BACH2: variants seen among roughly 807,000 people sequenced by gnomAD.
The protein encoded by BACH2 is BACH transcriptional regulator 2.
In BACH2, 5 loss-of-function variants were observed where a neutral mutation model predicts 61.8. The observed-to-expected ratio is 0.08, with a 90% confidence interval of 0.04 to 0.17. BACH2 has a LOEUF of 0.17. Among genes scored for constraint, BACH2 ranks in the 10% least tolerant of loss-of-function variants. BACH2 has a pLI of 1.00. For missense variants in BACH2, 824 were observed against 1,091.1 expected, an observed-to-expected ratio of 0.76 and a Z score of 3.45; for synonymous variants, 446 against 440.1, an observed-to-expected ratio of 1.01 and a Z score of -0.17.
intron 1 of BACH2, among the ~76,000 whole-genome samples, chr6:90,295,043 T>G (rs1317292759): frequency 1.3e-5 from 2 of 152,234 alleles, no homozygotes; most frequent in East Asian, 3.9e-4. Flanking sequence ...AGTGAGAGAC[T>G]GCAGCACTAG....
At chr6:90,019,300 T>C (rs1314382262) in intron 5 of BACH2, among the ~76,000 whole-genome samples, 1 of 152,124 alleles carries the variant, frequency 6.6e-6, no homozygotes, top group African/African-American at 2.4e-5. Flanking sequence ...GAAGCTTGTG[T>C]TGAAAGAAAC....
At chr6:90,130,833 T>C (rs1472978003) in intron 4 of BACH2, among the ~76,000 whole-genome samples, 1 of 152,270 alleles carries the variant, frequency 6.6e-6, no homozygotes, top group Non-Finnish European at 1.5e-5. Context: ...ATCCTGGCCC[T>C]GTTTGTTGCT....
chr6:90,129,609 T>C (rs1334574591), intron 4 of BACH2, among the ~76,000 whole-genome samples: 1 of 152,186 alleles, frequency 6.6e-6, no homozygotes, highest in Non-Finnish European at 1.5e-5. Context: ...ATGGAATGTT[T>C]TTCCATTTGT....
intron 5 of BACH2, among the ~76,000 whole-genome samples, chr6:90,062,229 A>G (rs529191570): frequency 1.3e-5 from 2 of 152,220 alleles, no homozygotes; most frequent in Non-Finnish European, 2.9e-5. Flanking sequence ...CCTATATTAC[A>G]TAAGGACTTG....
At chr6:89,938,082 T>C in intron 8 of BACH2, 62 bp downstream of exon 8, 2 of 1,494,746 alleles carry the variant, frequency 1.3e-6, no homozygotes, top group Non-Finnish European at 9.2e-7. Flanking sequence ...CTTTCATTGC[T>C]GTTACTTTAC....
chr6:89,932,085 C>T lies in BACH2; in HGVS notation c.*323G>A, dbSNP rs1772684847. On this transcript the variant is annotated 3_prime_UTR_variant, in exon 9 of 9. Coordinates refer to ENST00000257749, the MANE Select transcript of BACH2 (RefSeq NM_021813.4). ...CCTGAGATAGGGTTTGTGACATGGG[C>T]CACTGAGAAAAAAAATCCGTGGTTG... 4.5e-6 allele frequency: 1 copy of T among 224,194 alleles called. No individual in the cohort carries two copies. Among genetic ancestry groups the T allele is most frequent in the Middle Eastern group, 1.6e-3 (1 of 628 alleles). 13.9% of individuals were successfully genotyped at this position (224,194 alleles called of 1,614,324 possible).
intron 5 of BACH2, among the ~76,000 whole-genome samples, chr6:90,055,183 G>C (rs1443496586): frequency 1.3e-5 from 2 of 152,186 alleles, no homozygotes; most frequent in Admixed American, 1.3e-4. Flanking sequence ...CTGAGCTACA[G>C]GAGGAGCTTT....
rs1287739227 is a variant in BACH2 at position 89,928,663 on chromosome 6, A to AAAGC, written c.*3741_*3744dup. 4 of 152,720 alleles carry AAAGC rather than the reference A, an allele frequency of 2.6e-5. No homozygotes were observed. The highest frequency in any genetic ancestry group is 3.2e-3 in the Middle Eastern group (1 of 316). The allele number at this position is 152,720 out of a possible 1,614,324, so 9.5% of individuals were successfully genotyped here. The stretch of plus-strand genomic sequence containing the variant: ...CTAGACTTTTGTTCCCTTCCTTGGA[A>AAAGC]AAGCAATGTAAGGATTACATCCCGA... On this transcript the variant is annotated 3_prime_UTR_variant, in exon 9 of 9. Coordinates refer to ENST00000257749, the MANE Select transcript of BACH2 (RefSeq NM_021813.4).
chr6:90,095,191 ATGTTAAT>A (rs1203244478), intron 4 of BACH2, among the ~76,000 whole-genome samples: 41 of 151,550 alleles, frequency 2.7e-4, no homozygotes, highest in African/African-American at 8.5e-4. Flanking sequence ...AGGTCAATTG[ATGTTAAT>A]TGTTAATTTT....
At chr6:90,296,254 G>A (rs1772379464) in intron 1 of BACH2, among the ~76,000 whole-genome samples, 1 of 151,904 alleles carries the variant, frequency 6.6e-6, no homozygotes, top group African/African-American at 2.4e-5. Flanking sequence ...CACACATTCG[G>A]CGCGGCGCGG....
intron 6 of BACH2, among the ~76,000 whole-genome samples, chr6:90,000,398 C>T (rs556023461): frequency 6.6e-6 from 1 of 152,064 alleles, no homozygotes; most frequent in African/African-American, 2.4e-5. Flanking sequence ...TATTTATTTG[C>T]TTTTTTTTCA....
intron 3 of BACH2, among the ~76,000 whole-genome samples, chr6:90,218,971 G>C (rs1769643858): frequency 6.6e-6 from 1 of 151,674 alleles, no homozygotes; most frequent in Admixed American, 6.6e-5. Flanking sequence ...CAGAGAGTGA[G>C]AGTGCACGCA....
chr6:89,957,787 A>G (rs961746326), intron 6 of BACH2, among the ~76,000 whole-genome samples: 1 of 152,170 alleles, frequency 6.6e-6, no homozygotes, highest in Non-Finnish European at 1.5e-5. Context: ...CAATCCGTCT[A>G]TTTTGACCTC....
intron 5 of BACH2, among the ~76,000 whole-genome samples, chr6:90,064,067 T>C (rs1326205911): frequency 1.3e-5 from 2 of 152,230 alleles, no homozygotes; most frequent in Admixed American, 1.3e-4. Flanking sequence ...AAGTCTCCCT[T>C]ATGCAAGGCA....
At chr6:90,275,671 T>C (rs1478157123) in intron 1 of BACH2, among the ~76,000 whole-genome samples, 1 of 152,008 alleles carries the variant, frequency 6.6e-6, no homozygotes, top group East Asian at 1.9e-4. Context: ...CACTCTCCAG[T>C]AGGCCCCAGT....
At chr6:90,259,485 G>A (rs934412787) in intron 2 of BACH2, among the ~76,000 whole-genome samples, 1 of 152,206 alleles carries the variant, frequency 6.6e-6, no homozygotes, top group Admixed American at 6.5e-5. Context: ...ATATTTTACT[G>A]GGGCTTTTTG....
intron 3 of BACH2, among the ~76,000 whole-genome samples, chr6:90,228,510 A>C (rs570843385): frequency 1.3e-5 from 2 of 152,316 alleles, no homozygotes; most frequent in South Asian, 4.1e-4. Context: ...TTGGGAGGTC[A>C]AGGCAGGCGG....
At chr6:90,145,791 G>C (rs928988050) in intron 4 of BACH2, among the ~76,000 whole-genome samples, 1 of 152,132 alleles carries the variant, frequency 6.6e-6, no homozygotes, top group African/African-American at 2.4e-5. Context: ...ATCATCTTCC[G>C]AAAGTACATG....
intron 5 of BACH2, among the ~76,000 whole-genome samples, chr6:90,062,056 G>T (rs1780712810): frequency 1.3e-5 from 2 of 152,190 alleles, no homozygotes; most frequent in Admixed American, 6.5e-5. Context: ...CAATGGGAAA[G>T]ATTTAGTACA....
Sources: gnomAD v4.1 joint callset for allele counts (sites outside exome capture counted in the v4.1 genomes callset) on GRCh38, gnomAD v4.1.1 for gene constraint, MANE v1.5 for transcripts, NCBI Gene and HGNC (gene_info 2026-07-23, HGNC 2026-07-21) for gene names.